The following PRKCE variants were observed in gnomAD, a reference collection of about 807,000 sequenced individuals.
PRKCE encodes protein kinase C epsilon.
A neutral mutation model predicts 85.4 loss-of-function variants in PRKCE; 16 were observed. The ratio of observed to expected loss-of-function variants is 0.19; its 90% CI spans 0.13 to 0.28. PRKCE has a LOEUF of 0.28. PRKCE is among the 10% of genes least tolerant of loss of function. PRKCE has a pLI of 1.00. For missense variants in PRKCE, 573 were observed against 975.2 expected (o/e 0.59, Z 5.49); for synonymous variants, 388 against 371.5 (o/e 1.04, Z -0.51).
chr2:45,943,079 C>T (rs560364769), intron 2 of PRKCE, among the ~76,000 whole-genome samples: 36 of 152,244 alleles, frequency 2.4e-4, no homozygotes, highest in Admixed American at 5.9e-4. Context: ...ATTGATGAAT[C>T]ATTTTAGCCA....
At chr2:46,000,456 A>AT (rs1369795592) in intron 6 of PRKCE, among the ~76,000 whole-genome samples, 29 of 73,032 alleles carry the variant, frequency 4.0e-4, no homozygotes, top group African/African-American at 2.1e-3. Flanking sequence ...TCAATCTCTG[A>AT]TAAAAAAAAA....
At chr2:45,839,546 C>T (rs1691178765) in intron 1 of PRKCE, among the ~76,000 whole-genome samples, 1 of 152,190 alleles carries the variant, frequency 6.6e-6, no homozygotes. Context: ...CTGGGAATGG[C>T]TGGGAGGAGG....
At chr2:45,983,395 A>G (rs958660294) in intron 5 of PRKCE, among the ~76,000 whole-genome samples, 1 of 152,100 alleles carries the variant, frequency 6.6e-6, no homozygotes, top group African/African-American at 2.4e-5. Flanking sequence ...TCCCCAGCCC[A>G]TGGATGTCCT....
intron 11 of PRKCE, among the ~76,000 whole-genome samples, chr2:46,092,711 C>G (rs1381949239): frequency 6.6e-6 from 1 of 152,176 alleles, no homozygotes; most frequent in Non-Finnish European, 1.5e-5. Flanking sequence ...ACTGAGGTCT[C>G]TAGCTGTGCC....
chr2:45,966,974 T>C (rs1353682474), intron 2 of PRKCE, among the ~76,000 whole-genome samples: 1 of 152,142 alleles, frequency 6.6e-6, no homozygotes, highest in Admixed American at 6.5e-5. Flanking sequence ...AAGCCACAGC[T>C]TTGGTGGATA....
At chr2:45,956,176 G>A (rs1039111537) in intron 2 of PRKCE, among the ~76,000 whole-genome samples, 3 of 152,098 alleles carry the variant, frequency 2.0e-5, no homozygotes, top group African/African-American at 7.2e-5. Context: ...ATAGAACTCC[G>A]CACTTTATAG....
rs148714874 is a variant in PRKCE at position 45,719,072 on chromosome 2, G to C, written c.348+66624G>C. Among the ~76,000 whole-genome samples the C allele has an allele frequency of 2.0e-5, 3 of 152,360 alleles. No individual in the cohort carries two copies. In the East Asian group the frequency reaches 5.8e-4, roughly 29 times the overall value. ...TTGAGACTTTTCTTCACAATGTAAA[G>C]TGTGGAAAAATGGTTTATTAGCAGC... On this transcript the variant is annotated intron_variant, in intron 1 of 14. Transcript: ENST00000306156.
intron 1 of PRKCE, among the ~76,000 whole-genome samples, chr2:45,709,340 G>C (rs1383199520): frequency 6.6e-6 from 1 of 152,252 alleles, no homozygotes; most frequent in Non-Finnish European, 1.5e-5. Context: ...AGGCCAGAGG[G>C]CTGGTGTGAT....
chr2:46,039,485 C>A (rs1345327270), intron 10 of PRKCE, among the ~76,000 whole-genome samples: 1 of 151,960 alleles, frequency 6.6e-6, no homozygotes, highest in African/African-American at 2.4e-5. Flanking sequence ...ACCCTACTGA[C>A]CATGATTTTT....
At chr2:45,953,653 T>C (rs905496862) in intron 2 of PRKCE, among the ~76,000 whole-genome samples, 30 of 152,176 alleles carry the variant, frequency 2.0e-4, no homozygotes, top group African/African-American at 7.2e-4. Flanking sequence ...TGCGCCCCCA[T>C]CCACTCTTGC....
At chr2:46,034,455 G>A (rs759528043) in intron 10 of PRKCE, among the ~76,000 whole-genome samples, 2 of 152,158 alleles carry the variant, frequency 1.3e-5, no homozygotes, top group African/African-American at 2.4e-5. Context: ...TTCCTTGGTC[G>A]GAGTATCTTC....
intron 1 of PRKCE, among the ~76,000 whole-genome samples, chr2:45,797,153 G>A (rs935318272): frequency 3.9e-5 from 6 of 152,150 alleles, no homozygotes; most frequent in Non-Finnish European, 8.8e-5. Context: ...TATGTAACAG[G>A]TATAGTATCA....
Position 45,773,279 on chromosome 2 carries a change from G to C in PRKCE, c.349-69721G>C, listed in dbSNP as rs888445389. On this transcript the variant is annotated intron_variant, in intron 1 of 14. Transcript: ENST00000306156. Reference sequence around the variant, plus strand: ...GTGAGGCCTTTTGGGAGTGGTGGCCGAGGAGACCTGGATTCAGGCTTGTTT... The same window carrying C: ...GTGAGGCCTTTTGGGAGTGGTGGCCCAGGAGACCTGGATTCAGGCTTGTTT... Among the ~76,000 whole-genome samples, 12 of 152,192 alleles carry C rather than the reference G, an allele frequency of 7.9e-5. 1 individual carries two copies. The highest frequency in any genetic ancestry group is 5.2e-4 in the Admixed American group (8 of 15,288).
At chr2:46,042,291 C>G (rs1402890276) in intron 10 of PRKCE, among the ~76,000 whole-genome samples, 1 of 152,188 alleles carries the variant, frequency 6.6e-6, no homozygotes, top group Non-Finnish European at 1.5e-5. Flanking sequence ...ACTCTTTCCC[C>G]CAGCGTCCTA....
At chr2:45,741,072 A>G (rs1682518264) in intron 1 of PRKCE, among the ~76,000 whole-genome samples, 1 of 152,252 alleles carries the variant, frequency 6.6e-6, no homozygotes, top group Non-Finnish European at 1.5e-5. Context: ...ACCAGTTGCT[A>G]AAATTAAATG....
intron 1 of PRKCE, among the ~76,000 whole-genome samples, chr2:45,722,742 T>C (rs368832373): frequency 8.9e-4 from 135 of 152,314 alleles, no homozygotes; most frequent in African/African-American, 3.2e-3. Flanking sequence ...ACCTTGTATA[T>C]GTAACAAAAG....
chr2:45,977,653 AT>A (rs1410351681), intron 3 of PRKCE, among the ~76,000 whole-genome samples: 2 of 149,978 alleles, frequency 1.3e-5, no homozygotes, highest in Non-Finnish European at 3.0e-5. Flanking sequence ...AAAAAAAAAA[AT>A]CTGGAAGGAG....
At chr2:45,783,801 G>T (rs983043033) in intron 1 of PRKCE, among the ~76,000 whole-genome samples, 4 of 152,206 alleles carry the variant, frequency 2.6e-5, no homozygotes, top group Non-Finnish European at 5.9e-5. Flanking sequence ...CGGGAAGTGT[G>T]CAAGCTCTAG....
chr2:46,145,043 A>C lies in PRKCE; in HGVS notation c.1593-50A>C, dbSNP rs1422448456. The C allele has an allele frequency of 1.9e-6, 3 of 1,597,354 alleles. No individual in the cohort carries two copies. The highest frequency in any genetic ancestry group is 2.7e-5 in the African/African-American group (2 of 74,984). On this transcript the variant is annotated intron_variant, in intron 11 of 14. Transcript: ENST00000306156. This position sits in a 1 kb window ranked among gnomAD's most constrained non-coding sequence, Gnocchi z 4.6. The stretch of plus-strand genomic sequence containing the variant: ...CACATACCTCCAACTCAGGAAGACT[A>C]TATTGGGGTGAGTGACGTATTGACA...
Sources: gnomAD v4.1 joint callset for allele counts (sites outside exome capture counted in the v4.1 genomes callset) on GRCh38, gnomAD v4.1.1 for gene constraint, Gnocchi (gnomAD v3.1) non-coding constraint, MANE v1.5 for transcripts, NCBI Gene and HGNC (gene_info 2026-07-23, HGNC 2026-07-21) for gene names.